Variants in CLCN3 observed in about 807,000 individuals in gnomAD.
CLCN3 encodes H(+)/Cl(-) exchange transporter 3.
In CLCN3, 16 loss-of-function variants were observed where a neutral mutation model predicts 83.4. That is an observed-to-expected ratio of 0.19 (90% CI 0.13 to 0.29). The LOEUF (loss-of-function observed/expected upper bound fraction) is 0.29, where lower values mean the gene tolerates loss of function less well. CLCN3 is among the 10% of genes least tolerant of loss of function. CLCN3 has a pLI of 1.00. For synonymous variants in CLCN3, 322 were observed against 346.2 expected, an observed-to-expected ratio of 0.93 and a Z score of 0.78; for missense variants, 544 against 1,006.0, an observed-to-expected ratio of 0.54 and a Z score of 6.21.
chr4:169,661,813 C>T (rs928154642), intron 2 of CLCN3, among the ~76,000 whole-genome samples: 14 of 151,856 alleles, frequency 9.2e-5, no homozygotes, highest in East Asian at 5.8e-4. Flanking sequence ...CTTAATGTTA[C>T]GATCATAAAT....
intron 2 of CLCN3, among the ~76,000 whole-genome samples, chr4:169,646,736 T>A (rs1358528458): frequency 6.6e-6 from 1 of 152,092 alleles, no homozygotes; most frequent in Non-Finnish European, 1.5e-5. Context: ...CCCACCAAAA[T>A]GGTAGTGTAA....
intron 5 of CLCN3, 38 bp downstream of exon 5, chr4:169,689,268 A>G (rs1352419721): frequency 2.0e-6 from 3 of 1,535,314 alleles, no homozygotes; most frequent in South Asian, 1.2e-5. Flanking sequence ...TTAATAATTG[A>G]TATAGCAAAA....
intron 12 of CLCN3, among the ~76,000 whole-genome samples, chr4:169,716,726 C>T (rs1172835789): frequency 2.0e-5 from 3 of 152,052 alleles, no homozygotes; most frequent in Non-Finnish European, 4.4e-5. Context: ...TCTCTATCCT[C>T]CTGCTCCCCC....
intron 11 of CLCN3, among the ~76,000 whole-genome samples, chr4:169,708,661 T>C (rs1733081952): frequency 1.3e-5 from 2 of 152,184 alleles, no homozygotes; most frequent in Admixed American, 1.3e-4. Context: ...AGGCATGTTT[T>C]TAAAGTGTGG....
intron 2 of CLCN3, among the ~76,000 whole-genome samples, chr4:169,658,726 G>GA (rs1172534199): frequency 6.6e-6 from 1 of 151,686 alleles, no homozygotes; most frequent in Admixed American, 6.6e-5. Flanking sequence ...AGAAAATAAA[G>GA]AAAAAAATCA....
chr4:169,668,257 T>C (rs1460355072), intron 2 of CLCN3, among the ~76,000 whole-genome samples: 1 of 151,898 alleles, frequency 6.6e-6, no homozygotes, highest in African/African-American at 2.4e-5. Context: ...TCAGATGATA[T>C]AGCCTCCTGC....
intron 2 of CLCN3, among the ~76,000 whole-genome samples, chr4:169,637,281 T>G (rs1246653296): frequency 2.6e-5 from 3 of 116,126 alleles, no homozygotes; most frequent in Non-Finnish European, 6.0e-5. Flanking sequence ...TCTCTCATTC[T>G]GTGGTATTTT....
intron 2 of CLCN3, among the ~76,000 whole-genome samples, chr4:169,668,478 A>G (rs1560846129): frequency 6.6e-6 from 1 of 152,226 alleles, no homozygotes. Context: ...AAACCAAGGT[A>G]CTCAAAGAGG....
Position 169,709,404 on chromosome 4 carries a change from C to T in CLCN3, c.2149+2138C>T, listed in dbSNP as rs567883648. Among the ~76,000 whole-genome samples, 94 of 151,630 alleles carry T rather than the reference C, an allele frequency of 6.2e-4. 1 individual carries two copies. In the South Asian group the frequency reaches 0.014, roughly 22 times the overall value. ...CTTTAAAAAAAAAAAAAGTCTGAGG[C>T]TGGGCGTGGTGGCTCATGCCTGTAA... On this transcript the variant is annotated intron_variant, in intron 11 of 12. Transcript: ENST00000513761.
chr4:169,629,574 T>TTG (rs1276187595), intron 1 of CLCN3, among the ~76,000 whole-genome samples: 2 of 152,184 alleles, frequency 1.3e-5, no homozygotes, highest in Admixed American at 1.3e-4. Context: ...TTTCACCATG[T>TTG]TGGCCATGCT....
chr4:169,675,709 TG>T (rs1350523431), intron 2 of CLCN3, among the ~76,000 whole-genome samples: 2 of 152,190 alleles, frequency 1.3e-5, no homozygotes, highest in Non-Finnish European at 2.9e-5. Context: ...TATAGTGCTT[TG>T]GAAAAAATTT....
chr4:169,625,603 T>G (rs1354513362), intron 1 of CLCN3, among the ~76,000 whole-genome samples: 3 of 152,162 alleles, frequency 2.0e-5, no homozygotes, highest in East Asian at 3.8e-4. Context: ...ATCCTAAAGT[T>G]GGAAAGAACA....
In CLCN3 at chr4:169,685,987, C is replaced by T. The variant is rs115543336; in HGVS notation, c.319-1671C>T. On this transcript the variant is annotated intron_variant, in intron 3 of 12. Coordinates refer to ENST00000513761, the MANE Select transcript of CLCN3 (RefSeq NM_001829.4). Reference sequence around the variant, plus strand: ...GGGGCGTTGTGACTTCAAATAGACCCGATTCTTGAAATAGACTGGGTCCAT... The same window carrying T: ...GGGGCGTTGTGACTTCAAATAGACCTGATTCTTGAAATAGACTGGGTCCAT... Among the ~76,000 whole-genome samples, 1,108 of 152,156 alleles carry T rather than the reference C, an allele frequency of 7.3e-3. 10 individuals carry two copies. Among genetic ancestry groups the T allele is most frequent in the African/African-American group, 0.025 (1,056 of 41,502 alleles).
chr4:169,638,087 A>G (rs901875478), intron 2 of CLCN3, among the ~76,000 whole-genome samples: 1 of 151,892 alleles, frequency 6.6e-6, no homozygotes, highest in South Asian at 2.1e-4. Flanking sequence ...ACCATCCTCT[A>G]TTTGTTTTCT....
At chr4:169,690,757 T>C in intron 6 of CLCN3, 105 bp downstream of exon 6, 5 of 1,124,382 alleles carry the variant, frequency 4.4e-6, no homozygotes, top group Non-Finnish European at 6.2e-6. Context: ...GGATAGTTTG[T>C]TCATAATATG....
intron 2 of CLCN3, among the ~76,000 whole-genome samples, 179 bp from the exon 3 acceptor site, chr4:169,679,871 C>T (rs1344919205): frequency 8.2e-6 from 1 of 121,378 alleles, no homozygotes; most frequent in Non-Finnish European, 1.9e-5. Context: ...AGAGGGAGAC[C>T]GTGGAAGGCG....
intron 1 of CLCN3, among the ~76,000 whole-genome samples, chr4:169,629,315 A>G (rs1048263238): frequency 6.6e-6 from 1 of 152,170 alleles, no homozygotes; most frequent in African/African-American, 2.4e-5. Flanking sequence ...TACATGTGGA[A>G]CCACAATTAT....
chr4:169,711,225 G>C (rs1733200757), intron 11 of CLCN3, among the ~76,000 whole-genome samples: 2 of 152,128 alleles, frequency 1.3e-5, no homozygotes, highest in East Asian at 1.9e-4. Context: ...TGATACTTCT[G>C]GTAGTTTTTA....
Position 169,695,613 on chromosome 4 carries a change from T to A in CLCN3, c.938T>A (p.Val313Glu). The A allele has an allele frequency of 6.2e-7, 1 of 1,609,104 alleles. No individual in the cohort carries two copies. Among genetic ancestry groups the A allele is most frequent in the East Asian group, 2.2e-5 (1 of 44,812 alleles). ...AAATAAGCCATATCCTCTTTCTAGG[T>A]GCTATCAGCTGCCTCAGCTGCAGGG... ...YSTNEAKKRE[V>E]LSAASAAGVS... is the part of the protein sequence containing the mutation. Residue 313 changes from valine (V) to glutamate (E), a missense_variant and splice_region_variant, in exon 8 of 13, where the codon GTG (valine) becomes GAG (glutamate). Around this residue, in one of 6 missense-constraint regions of CLCN3, gnomAD observed 194 missense variants for 341.4 expected, o/e 0.57. Coordinates refer to ENST00000513761, the MANE Select transcript of CLCN3 (RefSeq NM_001829.4).
Sources: allele counts gnomAD v4.1 joint callset (sites outside exome capture counted in the v4.1 genomes callset), GRCh38; gene constraint gnomAD v4.1.1; regional missense constraint gnomAD v4.1.1; transcripts MANE v1.5; gene names NCBI Gene and HGNC (gene_info 2026-07-23, HGNC 2026-07-21).